Variants in STXBP5L observed in about 807,000 individuals in gnomAD.
The protein encoded by STXBP5L is syntaxin-binding protein 5-like.
A neutral mutation model predicts 144.5 loss-of-function variants in STXBP5L; 65 were observed. The ratio of observed to expected loss-of-function variants is 0.45; its 90% CI spans 0.37 to 0.55. The LOEUF (loss-of-function observed/expected upper bound fraction) is 0.55. Among genes scored for constraint, STXBP5L ranks in the 20% least tolerant of loss-of-function variants. STXBP5L has a pLI of 0.00. For missense variants in STXBP5L, 1,298 were observed against 1,405.5 expected, an observed-to-expected ratio of 0.92 and a Z score of 1.22; for synonymous variants, 505 against 469.6, an observed-to-expected ratio of 1.08 and a Z score of -0.97.
intron 10 of STXBP5L, among the ~76,000 whole-genome samples, chr3:121,220,091 T>C (rs1483895588): frequency 1.3e-5 from 2 of 152,144 alleles, no homozygotes; most frequent in Non-Finnish European, 2.9e-5. Flanking sequence ...TTTCCATCAT[T>C]TCCCACAACT....
At chr3:121,101,289 A>G (rs2043410008) in intron 5 of STXBP5L, among the ~76,000 whole-genome samples, 2 of 152,140 alleles carry the variant, frequency 1.3e-5, no homozygotes, top group African/African-American at 4.8e-5. Context: ...GACACAATGA[A>G]AAAAGGACAA....
At chr3:120,922,740 T>A (rs1709418410) in intron 2 of STXBP5L, among the ~76,000 whole-genome samples, 1 of 152,060 alleles carries the variant, frequency 6.6e-6, no homozygotes, top group African/African-American at 2.4e-5. Context: ...TTCTTGGTTG[T>A]GTTAGTGTGA....
intron 19 of STXBP5L, among the ~76,000 whole-genome samples, chr3:121,300,999 C>T (rs2051876311): frequency 6.6e-6 from 1 of 152,164 alleles, no homozygotes; most frequent in Admixed American, 6.6e-5. Flanking sequence ...CAGCTTTGTT[C>T]TTTCGGCTTA....
chr3:121,171,846 A>G (rs2046731022), intron 9 of STXBP5L, among the ~76,000 whole-genome samples: 2 of 152,224 alleles, frequency 1.3e-5, no homozygotes, highest in African/African-American at 4.8e-5. Flanking sequence ...AATTAGAAAA[A>G]ACTACTTTAA....
rs550304582 is a variant in STXBP5L, at chr3:121,405,129, A to G, written c.2588-2114A>G. 2.6e-5 allele frequency among the ~76,000 whole-genome samples: 4 copies of G among 152,140 alleles called. No homozygotes were observed. The South Asian group carries it at 8.3e-4, about 32-fold the overall frequency. On this transcript the variant is annotated intron_variant, in intron 22 of 26. Coordinates refer to ENST00000471454, the MANE Select transcript of STXBP5L (RefSeq NM_001308330.2). Reference sequence around the variant, plus strand: ...ATCAGATTAGAGCCATACCCTTATGATCTCATTTAATCTTAATTATTTCCT... The same window carrying G: ...ATCAGATTAGAGCCATACCCTTATGGTCTCATTTAATCTTAATTATTTCCT...
chr3:121,303,353 G>T (rs2052006431), intron 19 of STXBP5L, among the ~76,000 whole-genome samples: 1 of 151,958 alleles, frequency 6.6e-6, no homozygotes, highest in Non-Finnish European at 1.5e-5. Flanking sequence ...AGTTAGAATG[G>T]CAATCATTAA....
chr3:120,918,082 G>A (rs546574856), intron 2 of STXBP5L, among the ~76,000 whole-genome samples: 1 of 152,288 alleles, frequency 6.6e-6, no homozygotes, highest in South Asian at 2.1e-4. Context: ...TTCCTTGGCC[G>A]ATGGCCCCCT....
At chr3:120,987,069 A>G (rs554046349) in intron 3 of STXBP5L, among the ~76,000 whole-genome samples, 18 of 152,158 alleles carry the variant, frequency 1.2e-4, no homozygotes, top group Non-Finnish European at 2.2e-4. Flanking sequence ...AGAAATGAAT[A>G]TAAGCATCCA....
At chr3:121,078,895 G>A (rs935745006) in intron 5 of STXBP5L, among the ~76,000 whole-genome samples, 11 of 152,220 alleles carry the variant, frequency 7.2e-5, no homozygotes, top group East Asian at 5.8e-4. Context: ...CAGCTGGCCC[G>A]CAATTGCCAC....
chr3:120,994,546 C>T (rs1157513913), intron 3 of STXBP5L, among the ~76,000 whole-genome samples: 1 of 151,974 alleles, frequency 6.6e-6, no homozygotes. Context: ...TTTAGATGAT[C>T]ATATGATTTG....
intron 3 of STXBP5L, among the ~76,000 whole-genome samples, chr3:120,982,503 C>T (rs975450472): frequency 2.0e-5 from 3 of 152,130 alleles, no homozygotes; most frequent in Non-Finnish European, 2.9e-5. Flanking sequence ...TACCCCTGTC[C>T]CAGGGCTCAT....
chr3:121,411,750 C>T (rs2047118451), intron 23 of STXBP5L, among the ~76,000 whole-genome samples: 1 of 152,090 alleles, frequency 6.6e-6, no homozygotes, highest in African/African-American at 2.4e-5. Flanking sequence ...GGGTAATTTT[C>T]ATTTCCTGTG....
chr3:121,024,298 A>T (rs1455450030), intron 3 of STXBP5L, among the ~76,000 whole-genome samples: 1 of 152,216 alleles, frequency 6.6e-6, no homozygotes, highest in Non-Finnish European at 1.5e-5. Context: ...TGGATCACAA[A>T]TAAGCATATG....
intron 20 of STXBP5L, among the ~76,000 whole-genome samples, chr3:121,359,299 T>C (rs538458278): frequency 6.6e-6 from 1 of 152,206 alleles, no homozygotes; most frequent in Admixed American, 6.6e-5. Flanking sequence ...TTTGATCAGA[T>C]TATTAGATTT....
chr3:121,312,095 G>T (rs993609646), intron 19 of STXBP5L, among the ~76,000 whole-genome samples: 5 of 152,152 alleles, frequency 3.3e-5, no homozygotes, highest in African/African-American at 1.2e-4. Context: ...AATGGGGAAA[G>T]GATTCCCTAT....
chr3:120,998,221 A>G (rs1190187348), intron 3 of STXBP5L, among the ~76,000 whole-genome samples: 1 of 152,174 alleles, frequency 6.6e-6, no homozygotes, highest in Admixed American at 6.6e-5. Flanking sequence ...TAGTACTGGA[A>G]GTCCTAGCCA....
chr3:121,027,544 C>A (rs977113848), intron 3 of STXBP5L, among the ~76,000 whole-genome samples: 2 of 152,126 alleles, frequency 1.3e-5, no homozygotes, highest in African/African-American at 4.8e-5. Context: ...TGCCTTTGTT[C>A]TTTGGCTCTT....
chr3:121,348,775 T>A (rs2045126223), intron 20 of STXBP5L, among the ~76,000 whole-genome samples: 2 of 152,130 alleles, frequency 1.3e-5, no homozygotes, highest in African/African-American at 4.8e-5. Flanking sequence ...CTGATGGTAG[T>A]TTGTACTTCT....
intron 10 of STXBP5L, among the ~76,000 whole-genome samples, chr3:121,218,719 G>A (rs2048881820): frequency 1.3e-5 from 2 of 152,046 alleles, no homozygotes; most frequent in Non-Finnish European, 2.9e-5. Context: ...TGAAAGTGAA[G>A]AGAACATATT....
Sources: allele counts gnomAD v4.1 joint callset (sites outside exome capture counted in the v4.1 genomes callset), GRCh38; gene constraint gnomAD v4.1.1; transcripts MANE v1.5; gene names NCBI Gene and HGNC (gene_info 2026-07-23, HGNC 2026-07-21).